The following CNOT4 variants were observed in gnomAD, a reference collection of about 807,000 sequenced individuals.
CNOT4 encodes the protein CCR4-NOT transcription complex subunit 4, also known as CCR4-associated factor 4.
CNOT4 carries 8 observed loss-of-function variants against 73.8 expected under a neutral mutation model. The ratio of observed to expected loss-of-function variants is 0.11; its 90% confidence interval spans 0.06 to 0.20. The LOEUF is 0.20. CNOT4 is among the 10% of genes least tolerant of loss of function. CNOT4 has a pLI of 1.00. For synonymous variants in CNOT4, 293 were observed against 321.1 expected, an observed-to-expected ratio of 0.91 and a Z score of 0.94; for missense variants, 564 against 883.4, an observed-to-expected ratio of 0.64 and a Z score of 4.58.
chr7:135,480,068 T>C (rs1337079928), intron 1 of CNOT4, among the ~76,000 whole-genome samples: 2 of 152,218 alleles, frequency 1.3e-5, no homozygotes, highest in East Asian at 3.8e-4. Context: ...TTGCAAAAAA[T>C]GCTGCTTATT....
intron 2 of CNOT4, among the ~76,000 whole-genome samples, chr7:135,430,281 A>G (rs1299945235): frequency 6.6e-6 from 1 of 152,184 alleles, no homozygotes; most frequent in Non-Finnish European, 1.5e-5. Context: ...AGCAAACTGA[A>G]TATAAAAAGG....
intron 10 of CNOT4, among the ~76,000 whole-genome samples, chr7:135,374,752 A>C (rs1795426540): frequency 1.3e-5 from 2 of 152,206 alleles, no homozygotes; most frequent in South Asian, 4.1e-4. Context: ...GGGATATACA[A>C]ACAGGATACA....
intron 10 of CNOT4, among the ~76,000 whole-genome samples, chr7:135,372,528 C>CATAT (rs1170590777): frequency 6.6e-6 from 1 of 150,540 alleles, no homozygotes; most frequent in African/African-American, 2.4e-5. Context: ...GTTTCCCAAA[C>CATAT]ATATAACCCT....
intron 1 of CNOT4, among the ~76,000 whole-genome samples, chr7:135,445,176 C>A (rs1799745359): frequency 1.3e-5 from 2 of 152,168 alleles, no homozygotes; most frequent in African/African-American, 4.8e-5. Flanking sequence ...CTCCCAGCTT[C>A]TTATAAGACT....
intron 2 of CNOT4, among the ~76,000 whole-genome samples, chr7:135,428,144 GTTGCAGCATGGAGATATA>G (rs869054496): frequency 2.6e-5 from 4 of 152,330 alleles, no homozygotes; most frequent in African/African-American, 9.6e-5. Flanking sequence ...CTAGGGAAGA[GTTGCAGCATGGAGATATA>G]TTGCTTGGCT....
chr7:135,426,015 A>C (rs1159901916), intron 2 of CNOT4, among the ~76,000 whole-genome samples: 4 of 151,784 alleles, frequency 2.6e-5, no homozygotes, highest in Admixed American at 2.0e-4. Context: ...ATTGCAAGAC[A>C]GCCTGAGCAA....
intron 10 of CNOT4, among the ~76,000 whole-genome samples, chr7:135,390,113 T>A (rs1484403968): frequency 6.6e-6 from 1 of 152,156 alleles, no homozygotes; most frequent in African/African-American, 2.4e-5. Context: ...ATTTGTCTCA[T>A]GAGTTGATAC....
At chr7:135,419,459 T>C (rs759357063) in intron 3 of CNOT4, among the ~76,000 whole-genome samples, 3 of 152,170 alleles carry the variant, frequency 2.0e-5, no homozygotes, top group Non-Finnish European at 4.4e-5. Flanking sequence ...TAAAAGATAT[T>C]ATTTAGAAGT....
intron 1 of CNOT4, among the ~76,000 whole-genome samples, chr7:135,480,995 GA>G (rs200536636): frequency 0.047 from 6,336 of 133,448 alleles, 141 homozygotes; most frequent in Middle Eastern, 0.075. Context: ...TATAAAACTG[GA>G]AAAAAAAAAA....
At chr7:135,423,537 G>A (rs1229839283) in intron 2 of CNOT4, among the ~76,000 whole-genome samples, 1 of 151,138 alleles carries the variant, frequency 6.6e-6, no homozygotes, top group African/African-American at 2.4e-5. Flanking sequence ...AATTAAGAAA[G>A]TGAGATTTCA....
intron 5 of CNOT4, among the ~76,000 whole-genome samples, chr7:135,413,843 T>TG (rs1404705885): frequency 6.6e-6 from 1 of 151,996 alleles, no homozygotes; most frequent in African/African-American, 2.4e-5. Context: ...TTCCAAAACT[T>TG]GGACACCCAA....
At chr7:135,372,284 A>T (rs1795250435) in intron 10 of CNOT4, among the ~76,000 whole-genome samples, 1 of 152,238 alleles carries the variant, frequency 6.6e-6, no homozygotes, top group South Asian at 2.1e-4. Flanking sequence ...AAACCCTAGG[A>T]GGACGTGACA....
At chr7:135,442,634 C>T (rs1030934184) in intron 1 of CNOT4, among the ~76,000 whole-genome samples, 31 of 152,136 alleles carry the variant, frequency 2.0e-4, no homozygotes, top group Middle Eastern at 3.4e-3. Flanking sequence ...TAAAACAATG[C>T]ATTCAAATAA....
intron 2 of CNOT4, among the ~76,000 whole-genome samples, chr7:135,436,520 C>CA (rs55950620): frequency 1 from 151,890 of 151,892 alleles, 75,944 homozygotes; most frequent in Non-Finnish European, 1. Context: ...ACTAAATGTT[C>CA]AAATCCATAA....
chr7:135,504,453 A>C, intron 1 of CNOT4, among the ~76,000 whole-genome samples: 1 of 131,378 alleles, frequency 7.6e-6, no homozygotes, highest in Non-Finnish European at 1.6e-5. Flanking sequence ...GTGCCACCAC[A>C]TCCGGCTAAT....
chr7:135,390,958 G>A (rs981478402), intron 10 of CNOT4, among the ~76,000 whole-genome samples: 19 of 152,188 alleles, frequency 1.2e-4, no homozygotes, highest in Non-Finnish European at 2.2e-4. Context: ...CATTACTGAA[G>A]CATTTAGTGA....
Position 135,493,941 on chromosome 7 carries a change from C to A in CNOT4, c.-93+15948G>T, listed in dbSNP as rs535856910. On this transcript the variant is annotated intron_variant, in intron 1 of 11. Transcript: ENST00000541284. ...CATCTAATAAGCGCTCACGGATAGGCTTTCATTAGCTAATCAAATGTAAAA... is the reference window on the plus strand; with the variant it reads ...CATCTAATAAGCGCTCACGGATAGGATTTCATTAGCTAATCAAATGTAAAA... 4.6e-5 allele frequency among the ~76,000 whole-genome samples: 7 copies of A among 151,928 alleles called. No homozygotes were observed. In the East Asian group the frequency reaches 9.7e-4, roughly 21 times the overall value.
chr7:135,509,829 C>T, intron 1 of CNOT4, 60 bp downstream of exon 1: 1 of 388,564 alleles, frequency 2.6e-6, no homozygotes, highest in Non-Finnish European at 4.5e-6. Flanking sequence ...GCGAAGCCTC[C>T]GCTCTCTCGT....
intron 1 of CNOT4, among the ~76,000 whole-genome samples, chr7:135,508,794 T>C (rs1055788626): frequency 1.3e-5 from 2 of 152,228 alleles, no homozygotes; most frequent in African/African-American, 4.8e-5. Context: ...AGATGAATTC[T>C]GTATGTGCGC....
Sources: allele counts gnomAD v4.1 joint callset (sites outside exome capture counted in the v4.1 genomes callset), GRCh38; gene constraint gnomAD v4.1.1; transcripts MANE v1.5; gene names NCBI Gene and HGNC (gene_info 2026-07-23, HGNC 2026-07-21).